TSPAN18: variants seen among roughly 807,000 people sequenced by gnomAD.
TSPAN18 encodes tetraspanin-18.
Under a neutral mutation model 27.3 loss-of-function variants are expected in TSPAN18, and 14 were observed. The ratio of observed to expected loss-of-function variants is 0.51; its 90% CI spans 0.34 to 0.80. The LOEUF (loss-of-function observed/expected upper bound fraction) is 0.80, where lower values mean the gene tolerates loss of function less well. TSPAN18 is among the 30% of genes least tolerant of loss of function. The probability of loss-of-function intolerance (pLI) is 0.01; values close to 1 mark genes in which losing one functional copy is unlikely to be tolerated. For synonymous variants in TSPAN18, 143 were observed against 136.5 expected, an observed-to-expected ratio of 1.05 and a Z score of -0.33; for missense variants, 268 against 323.9, an observed-to-expected ratio of 0.83 and a Z score of 1.32.
chr11:44,841,271 C>G (rs1325799487), intron 2 of TSPAN18, among the ~76,000 whole-genome samples: 1 of 152,160 alleles, frequency 6.6e-6, no homozygotes, highest in Non-Finnish European at 1.5e-5. Flanking sequence ...AATCCCAGCA[C>G]TTTGGGAAGC....
intron 8 of TSPAN18, among the ~76,000 whole-genome samples, chr11:44,922,218 G>A (rs1860170503): frequency 6.6e-6 from 1 of 151,314 alleles, no homozygotes; most frequent in Non-Finnish European, 1.5e-5. Flanking sequence ...CAGGGTTCAA[G>A]TGTTTCTCCC....
chr11:44,841,034 GCA>G (rs1260787873), intron 2 of TSPAN18, among the ~76,000 whole-genome samples: 15 of 152,104 alleles, frequency 9.9e-5, no homozygotes. Context: ...TCTTGCATCA[GCA>G]CCCCCCAGGG....
intron 1 of TSPAN18, among the ~76,000 whole-genome samples, chr11:44,739,102 C>G (rs1014130714): frequency 1.3e-5 from 2 of 152,150 alleles, no homozygotes; most frequent in African/African-American, 4.8e-5. Flanking sequence ...TCTCCTGGCC[C>G]TTTGCTCCCG....
intron 5 of TSPAN18, among the ~76,000 whole-genome samples, chr11:44,911,681 C>G (rs1054728924): frequency 1.3e-5 from 2 of 152,062 alleles, no homozygotes; most frequent in Non-Finnish European, 2.9e-5. Flanking sequence ...GGGCTCGGCT[C>G]TGAAGCCAAG....
intron 4 of TSPAN18, among the ~76,000 whole-genome samples, 174 bp downstream of exon 4, chr11:44,906,653 C>T (rs1178712609): frequency 6.6e-6 from 1 of 152,190 alleles, no homozygotes; most frequent in Non-Finnish European, 1.5e-5. Flanking sequence ...GCCCACCCCA[C>T]TCTGAAGAGC....
chr11:44,778,417 G>A (rs922739351), intron 2 of TSPAN18, among the ~76,000 whole-genome samples: 1 of 152,060 alleles, frequency 6.6e-6, no homozygotes, highest in African/African-American at 2.4e-5. Context: ...ACTTTTGTTG[G>A]TTCCAGAATC....
intron 8 of TSPAN18, among the ~76,000 whole-genome samples, chr11:44,923,282 G>A (rs1031734600): frequency 1.8e-4 from 28 of 152,098 alleles, no homozygotes; most frequent in African/African-American, 6.5e-4. Context: ...CATCAGATTA[G>A]GTGGGTGGTG....
Position 44,793,402 on chromosome 11 carries a change from G to A in TSPAN18, c.-153+28890G>A, listed in dbSNP as rs570560933. Among the ~76,000 whole-genome samples the A allele has an allele frequency of 4.9e-4, 74 of 152,274 alleles. No homozygotes were observed. In the South Asian group the frequency reaches 0.015, roughly 31 times the overall value. ...GCAAATGTACTCAGAAACGCACCAG[G>A]CATCAGAACGGAAATGGCTGAGCTA... is the stretch of plus-strand genomic sequence containing the variant. On this transcript the variant is annotated intron_variant, in intron 2 of 9. Coordinates refer to ENST00000520358, the MANE Select transcript of TSPAN18 (RefSeq NM_130783.5).
chr11:44,866,192 G>A (rs1858031244), intron 3 of TSPAN18, among the ~76,000 whole-genome samples: 1 of 152,258 alleles, frequency 6.6e-6, no homozygotes, highest in Non-Finnish European at 1.5e-5. Flanking sequence ...AGCAGGACTG[G>A]CATGGGGCCC....
At chr11:44,847,809 A>G (rs990760530) in intron 2 of TSPAN18, among the ~76,000 whole-genome samples, 2 of 151,954 alleles carry the variant, frequency 1.3e-5, no homozygotes, top group Admixed American at 6.6e-5. Flanking sequence ...AGTGCCCAGG[A>G]TAGTGAGGGC....
intron 3 of TSPAN18, chr11:44,897,622 G>C (rs144716456): frequency 4.1e-6 from 2 of 483,818 alleles, no homozygotes; most frequent in Non-Finnish European, 7.2e-6. Context: ...GCTCTAATGG[G>C]CCCAGATTAG....
intron 1 of TSPAN18, among the ~76,000 whole-genome samples, chr11:44,729,115 G>A (rs1854590403): frequency 6.6e-6 from 1 of 152,168 alleles, no homozygotes. Flanking sequence ...AAATGCTCCA[G>A]GACAAAGTTG....
chr11:44,845,870 G>A (rs913372370), intron 2 of TSPAN18, among the ~76,000 whole-genome samples: 2 of 152,210 alleles, frequency 1.3e-5, no homozygotes, highest in African/African-American at 2.4e-5. Flanking sequence ...GTGAGCCATC[G>A]CCAATGCCAG....
intron 2 of TSPAN18, among the ~76,000 whole-genome samples, chr11:44,842,810 T>G (rs1857399118): frequency 6.6e-6 from 1 of 152,172 alleles, no homozygotes; most frequent in African/African-American, 2.4e-5. Context: ...AGCTCAAGAA[T>G]TTTTATGCAC....
chr11:44,881,480 C>T (rs1858487824), intron 3 of TSPAN18, among the ~76,000 whole-genome samples: 1 of 152,252 alleles, frequency 6.6e-6, no homozygotes, highest in Non-Finnish European at 1.5e-5. Context: ...AGAACTCCAA[C>T]ATCCCTATTT....
intron 3 of TSPAN18, among the ~76,000 whole-genome samples, chr11:44,869,736 T>C (rs1858140749): frequency 1.3e-5 from 2 of 152,306 alleles, no homozygotes; most frequent in South Asian, 2.1e-4. Context: ...ACGGGCCCAG[T>C]GTTCAAAGGC....
At chr11:44,925,961 C>G (rs1046579838) in intron 8 of TSPAN18, among the ~76,000 whole-genome samples, 4 of 152,142 alleles carry the variant, frequency 2.6e-5, no homozygotes, top group Admixed American at 6.6e-5. Context: ...CTCTATCTAT[C>G]TATCTCGATC....
intron 2 of TSPAN18, among the ~76,000 whole-genome samples, chr11:44,852,496 C>G (rs965833320): frequency 6.7e-6 from 1 of 150,312 alleles, no homozygotes; most frequent in East Asian, 1.9e-4. Flanking sequence ...GAATGAATGA[C>G]TCATGTTGCT....
intron 5 of TSPAN18, among the ~76,000 whole-genome samples, chr11:44,913,486 A>C (rs1859797102): frequency 6.6e-6 from 1 of 152,262 alleles, no homozygotes; most frequent in African/African-American, 2.4e-5. Flanking sequence ...GAGTATTTCA[A>C]GGATTTTTTT....
Sources: allele counts gnomAD v4.1 joint callset (sites outside exome capture counted in the v4.1 genomes callset), GRCh38; gene constraint gnomAD v4.1.1; transcripts MANE v1.5; gene names NCBI Gene and HGNC (gene_info 2026-07-23, HGNC 2026-07-21).